KDM5B: variants seen among roughly 807,000 people sequenced by gnomAD.
KDM5B encodes lysine-specific demethylase 5B.
Under a neutral mutation model 193.4 loss-of-function variants are expected in KDM5B, and 144 were observed. The observed-to-expected ratio is 0.74, with a 90% CI of 0.65 to 0.86. The LOEUF (loss-of-function observed/expected upper bound fraction) is 0.86. Ranked by LOEUF, KDM5B falls within the 40% of genes least tolerant of loss-of-function variation. The pLI is 0.00. For synonymous variants in KDM5B, 668 were observed against 682.6 expected, an observed-to-expected ratio of 0.98 and a Z score of 0.33; for missense variants, 1,833 against 1,886.9, an observed-to-expected ratio of 0.97 and a Z score of 0.53.
chr1:202,765,390 A>AACTGTGCT (rs1475790161), intron 5 of KDM5B, among the ~76,000 whole-genome samples: 5 of 152,218 alleles, frequency 3.3e-5, no homozygotes, highest in Non-Finnish European at 5.9e-5. Flanking sequence ...GTATCTGTGG[A>AACTGTGCT]ACTGTGCTTT....
rs755490934 is a variant in KDM5B at position 202,767,420 on chromosome 1, T to C, written c.577-360A>G. On this transcript the variant is annotated intron_variant, in intron 4 of 26. Coordinates refer to ENST00000367265, the MANE Select transcript of KDM5B (RefSeq NM_006618.5). ...AACCTCCGGATGCTCTAGCCCAACA[T>C]AGCGCTGCTGGAAGCTCTGCGAAAG... 2.8e-5 allele frequency: 39 copies of C among 1,380,404 alleles called. No homozygotes were observed. In the Admixed American group the frequency reaches 3.7e-4, roughly 13 times the overall value. 85.5% of individuals were successfully genotyped at this position (1,380,404 alleles called of 1,614,324 possible).
intron 13 of KDM5B, among the ~76,000 whole-genome samples, chr1:202,749,511 T>C (rs1655707539): frequency 6.6e-6 from 1 of 152,088 alleles, no homozygotes; most frequent in Non-Finnish European, 1.5e-5. Flanking sequence ...GAGCCATGAT[T>C]GCACCACTGC....
At chr1:202,756,976 C>CA (rs901381918) in intron 9 of KDM5B, among the ~76,000 whole-genome samples, 3 of 152,022 alleles carry the variant, frequency 2.0e-5, no homozygotes, top group African/African-American at 7.2e-5. Context: ...GCAACCAACA[C>CA]AAAAAACACA....
chr1:202,771,918 C>T (rs1187907123), intron 4 of KDM5B, among the ~76,000 whole-genome samples: 2 of 151,956 alleles, frequency 1.3e-5, no homozygotes, highest in Non-Finnish European at 2.9e-5. Context: ...CATGGGCTCA[C>T]TAAACATTCA....
intron 4 of KDM5B, among the ~76,000 whole-genome samples, chr1:202,771,612 T>TG (rs764276062): frequency 6.9e-6 from 1 of 144,530 alleles, no homozygotes; most frequent in Non-Finnish European, 1.5e-5. Context: ...AGAAGAGTCT[T>TG]GCTCTGTCAC....
chr1:202,740,110 C>A lies in KDM5B; in HGVS notation c.3084+564G>T, dbSNP rs539556051. On this transcript the variant is annotated intron_variant, in intron 20 of 26. Coordinates refer to ENST00000367265, the MANE Select transcript of KDM5B (RefSeq NM_006618.5). ...CGGCTGGCCGGGCATGGGGCTGACC[C>A]CCCCCACCTCCCTCCCGGACGGGGC... Among the ~76,000 whole-genome samples the A allele has an allele frequency of 2.9e-3, 432 of 150,720 alleles. 3 individuals carry two copies. The highest frequency in any genetic ancestry group is 3.4e-3 in the Non-Finnish European group (230 of 67,306).
At chr1:202,762,651 G>C (rs761278915) in intron 7 of KDM5B, 48 bp downstream of exon 7, 11 of 1,075,236 alleles carry the variant, frequency 1.0e-5, no homozygotes, top group Non-Finnish European at 1.4e-5. Context: ...GAAAGGAAGG[G>C]AAGAAGGAAA....
rs1553348840 is a variant in KDM5B, at chr1:202,729,841, G to A, written c.4363C>T (p.Arg1455Cys). 1.2e-5 allele frequency: 20 copies of A among 1,613,976 alleles called. No individual in the cohort carries two copies. Among genetic ancestry groups the A allele is most frequent in the Non-Finnish European group, 1.4e-5 (17 of 1,179,990 alleles). The change falls in exon 26 of 27, where the codon CGT becomes TGT. Residue 1455 changes from arginine to cysteine, a missense_variant. Physicochemically the swap from Arg to Cys is radical, Grantham distance 180. Coordinates refer to ENST00000367265, the MANE Select transcript of KDM5B (RefSeq NM_006618.5). ...DMNNFKLERE[R>C]SYELVRSAET... ...GCAGAACGAACTAATTCATAGCTAC[G>A]CTCTCTCTCTAACTTGAAATTGTTC...
At position 202,777,002 on chromosome 1, in the gene KDM5B, T is replaced by C. The variant is rs776015998; in HGVS notation, c.282+15A>G. The C allele has an allele frequency of 2.1e-5, 32 of 1,557,098 alleles. No homozygotes were observed. Among genetic ancestry groups the C allele is most frequent in the Admixed American group, 5.0e-5 (3 of 59,870 alleles). On this transcript the variant is annotated intron_variant, in intron 2 of 26. Coordinates refer to ENST00000367265, the MANE Select transcript of KDM5B (RefSeq NM_006618.5). Reference sequence around the variant, plus strand: ...CCTGGAATACAGGCAAACAGAACAATAGTGAAGACATTACCTCCAATTCAT... The same window carrying C: ...CCTGGAATACAGGCAAACAGAACAACAGTGAAGACATTACCTCCAATTCAT...
chr1:202,786,346 GA>G (rs1289999829), intron 1 of KDM5B, among the ~76,000 whole-genome samples: 15 of 152,100 alleles, frequency 9.9e-5, no homozygotes, highest in African/African-American at 3.6e-4. Context: ...CATATTGTTA[GA>G]TTTCCATGCT....
At chr1:202,807,741 G>T (rs1411181820) in intron 1 of KDM5B, among the ~76,000 whole-genome samples, 1 of 137,672 alleles carries the variant, frequency 7.3e-6, no homozygotes, top group South Asian at 2.4e-4. Flanking sequence ...CCTCCCTCCA[G>T]CCCGCGCCTC....
chr1:202,746,394 G>C, intron 14 of KDM5B, 71 bp from the exon 15 acceptor site: 3 of 829,248 alleles, frequency 3.6e-6, no homozygotes, highest in Non-Finnish European at 5.4e-6. Flanking sequence ...CAAACATGCA[G>C]TAGTACTTGA....
intron 11 of KDM5B, among the ~76,000 whole-genome samples, chr1:202,754,196 C>T (rs1405132529): frequency 6.6e-6 from 1 of 152,078 alleles, no homozygotes; most frequent in African/African-American, 2.4e-5. Flanking sequence ...ATCATCCCTG[C>T]GAGGTATGGT....
chr1:202,803,146 G>A lies in KDM5B; in HGVS notation c.204+4956C>T, dbSNP rs898571072. Among the ~76,000 whole-genome samples the A allele has an allele frequency of 2.0e-5, 3 of 152,116 alleles. No homozygotes were observed. In the South Asian group the frequency reaches 6.2e-4, roughly 32 times the overall value. On this transcript the variant is annotated intron_variant, in intron 1 of 26. Coordinates refer to ENST00000367265, the MANE Select transcript of KDM5B (RefSeq NM_006618.5). ...ACTGCATGCCAGCCTGGATGACAGA[G>A]TGAGATTAAAAAAAAAAGGAAATTT... is the stretch of plus-strand genomic sequence containing the variant.
intron 1 of KDM5B, among the ~76,000 whole-genome samples, chr1:202,786,195 G>T (rs568863894): frequency 1.9e-5 from 2 of 105,420 alleles, no homozygotes; most frequent in Admixed American, 2.1e-4. Flanking sequence ...GGGGGGTGGG[G>T]GGGGGGGTCT....
At chr1:202,732,162 G>A in intron 23 of KDM5B, 1 of 484,170 alleles carries the variant, frequency 2.1e-6, no homozygotes, top group Non-Finnish European at 3.6e-6. Flanking sequence ...AGTTTTACTT[G>A]GACTGATTTC....
chr1:202,769,040 CTTTT>C (rs527911947), intron 4 of KDM5B, among the ~76,000 whole-genome samples: 3 of 119,634 alleles, frequency 2.5e-5, no homozygotes, highest in South Asian at 2.7e-4. Context: ...CTTTTTTTTT[CTTTT>C]TTTTTTTTTT....
intron 4 of KDM5B, among the ~76,000 whole-genome samples, chr1:202,769,038 TTC>T (rs1656596109): frequency 1.4e-5 from 2 of 146,822 alleles, no homozygotes; most frequent in African/African-American, 5.1e-5. Flanking sequence ...TTCTTTTTTT[TTC>T]TTTTTTTTTT....
At chr1:202,760,297 C>T in intron 8 of KDM5B, 118 bp downstream of exon 8, 1 of 713,784 alleles carries the variant, frequency 1.4e-6, no homozygotes, top group Non-Finnish European at 2.2e-6. Context: ...GCCTGGGCAA[C>T]AAAGTGAGTC....
Sources: allele counts gnomAD v4.1 joint callset (sites outside exome capture counted in the v4.1 genomes callset), GRCh38; gene constraint gnomAD v4.1.1; transcripts MANE v1.5; gene names NCBI Gene and HGNC (gene_info 2026-07-23, HGNC 2026-07-21).